The following WNT3 variants were observed in gnomAD, a reference collection of about 807,000 sequenced individuals.
The protein encoded by WNT3 is proto-oncogene Wnt-3.
In WNT3, 7 loss-of-function variants were observed where a neutral mutation model predicts 34.2. The ratio of observed to expected loss-of-function variants is 0.20; its 90% CI spans 0.12 to 0.38. The LOEUF (loss-of-function observed/expected upper bound fraction) is 0.38, where lower values mean the gene tolerates loss of function less well. Ranked by LOEUF, WNT3 falls within the 10% of genes least tolerant of loss-of-function variation. The pLI is 1.00. For missense variants in WNT3, 267 were observed against 499.8 expected (o/e 0.53, Z 4.44); for synonymous variants, 212 against 211.5 (o/e 1.00, Z -0.02).
intron 1 of WNT3, among the ~76,000 whole-genome samples, chr17:46,796,609 C>T (rs1274951310): frequency 1.3e-5 from 2 of 152,198 alleles, no homozygotes; most frequent in Non-Finnish European, 2.9e-5. Context: ...GTTCCTGCCC[C>T]GCAGGGGCTC....
At chr17:46,787,541 C>T (rs569354953) in intron 1 of WNT3, among the ~76,000 whole-genome samples, 3 of 152,376 alleles carry the variant, frequency 2.0e-5, no homozygotes, top group African/African-American at 7.2e-5. Context: ...GGCCTGCTGA[C>T]TCCCAGCCAG....
At chr17:46,807,697 G>A (rs2084215440) in intron 1 of WNT3, among the ~76,000 whole-genome samples, 2 of 152,162 alleles carry the variant, frequency 1.3e-5, no homozygotes, top group Admixed American at 6.5e-5. Flanking sequence ...ATTATGCCCA[G>A]GCCAGGTACA....
intron 1 of WNT3, among the ~76,000 whole-genome samples, chr17:46,788,652 A>G (rs1008954363): frequency 6.6e-6 from 1 of 152,136 alleles, no homozygotes; most frequent in Admixed American, 6.5e-5. Context: ...CACCGACTCC[A>G]TTGATGGTGA....
At chr17:46,783,518 A>G (rs898099478) in intron 1 of WNT3, among the ~76,000 whole-genome samples, 2 of 152,226 alleles carry the variant, frequency 1.3e-5, no homozygotes, top group Non-Finnish European at 2.9e-5. Context: ...GTAACAGACC[A>G]ACAAGCATTT....
At chr17:46,803,836 G>A (rs963982688) in intron 1 of WNT3, among the ~76,000 whole-genome samples, 2 of 152,222 alleles carry the variant, frequency 1.3e-5, no homozygotes, top group African/African-American at 4.8e-5. Context: ...CCGGAAGCAG[G>A]CTCACGGCTG....
Position 46,787,149 on chromosome 17 carries a change from A to G in WNT3, c.81-13240T>C, listed in dbSNP as rs139299866. On this transcript the variant is annotated intron_variant, in intron 1 of 4. Coordinates refer to ENST00000225512, the MANE Select transcript of WNT3 (RefSeq NM_030753.5). ...GAGATGAAGTCCTGCTATATTGCCCAGGCTGGGTTTCGAACTCCTGGGCCC... is the reference window on the plus strand; with the variant it reads ...GAGATGAAGTCCTGCTATATTGCCCGGGCTGGGTTTCGAACTCCTGGGCCC... Among the ~76,000 whole-genome samples the G allele has an allele frequency of 1.7e-3, 251 of 152,076 alleles. 3 individuals carry two copies. In the Middle Eastern group the frequency reaches 0.024, roughly 14 times the overall value.
At chr17:46,787,114 A>T (rs1339614741) in intron 1 of WNT3, among the ~76,000 whole-genome samples, 1 of 151,718 alleles carries the variant, frequency 6.6e-6, no homozygotes, top group Non-Finnish European at 1.5e-5. Flanking sequence ...AGTTTTTAAA[A>T]TTTTTTGTAG....
intron 1 of WNT3, among the ~76,000 whole-genome samples, chr17:46,780,390 C>T (rs199511): frequency 0.019 from 2,882 of 152,336 alleles, 43 homozygotes; most frequent in Middle Eastern, 0.051. Flanking sequence ...CTCTCCCCTA[C>T]ATACAGAACA....
At chr17:46,773,340 G>A (rs2059389476) in intron 2 of WNT3, among the ~76,000 whole-genome samples, 1 of 152,084 alleles carries the variant, frequency 6.6e-6, no homozygotes, top group Non-Finnish European at 1.5e-5. Context: ...ACCCCAAAGC[G>A]GTATTTGCAT....
chr17:46,766,494 G>T (rs1176236981), intron 4 of WNT3, among the ~76,000 whole-genome samples: 2 of 152,014 alleles, frequency 1.3e-5, no homozygotes, highest in Non-Finnish European at 2.9e-5. Context: ...AGACAGCTGA[G>T]TGGACGAGTG....
intron 1 of WNT3, among the ~76,000 whole-genome samples, chr17:46,780,036 C>A (rs2059447199): frequency 6.6e-6 from 1 of 152,328 alleles, no homozygotes; most frequent in East Asian, 1.9e-4. Context: ...GGATTACAGG[C>A]GTAAGCCACC....
intron 2 of WNT3, among the ~76,000 whole-genome samples, chr17:46,772,370 G>A (rs1246736584): frequency 6.6e-6 from 1 of 152,252 alleles, no homozygotes; most frequent in African/African-American, 2.4e-5. Context: ...CGCTCCCAGA[G>A]CCGCTTTCCC....
intron 2 of WNT3, among the ~76,000 whole-genome samples, chr17:46,771,546 C>T (rs1277788909): frequency 1.3e-5 from 2 of 148,900 alleles, no homozygotes; most frequent in East Asian, 4.0e-4. Context: ...CTGACAGCCC[C>T]GCTGTGCCTT....
intron 1 of WNT3, among the ~76,000 whole-genome samples, chr17:46,782,037 T>G (rs931598053): frequency 1.3e-5 from 2 of 152,116 alleles, no homozygotes; most frequent in African/African-American, 4.8e-5. Context: ...TGGCTTCACA[T>G]GGGTGGAGCT....
chr17:46,812,291 G>T (rs2084286634), intron 1 of WNT3, among the ~76,000 whole-genome samples: 2 of 152,220 alleles, frequency 1.3e-5, no homozygotes, highest in Admixed American at 6.5e-5. Flanking sequence ...GGAGGAGGCA[G>T]AAGTCTGGCC....
intron 1 of WNT3, 31 bp downstream of exon 1, chr17:46,818,487 G>C: frequency 1.3e-6 from 2 of 1,582,192 alleles, no homozygotes; most frequent in Non-Finnish European, 1.7e-6. Context: ...CGGAGAAACC[G>C]GGCCGCGGGC....
intron 1 of WNT3, among the ~76,000 whole-genome samples, chr17:46,794,752 CT>C (rs5820620): frequency 0.49 from 63,018 of 129,172 alleles, 15,081 homozygotes; most frequent in South Asian, 0.65. Flanking sequence ...CTTTCTTTTT[CT>C]TTTTTTTTTT....
chr17:46,784,686 A>G (rs1357293845), intron 1 of WNT3, among the ~76,000 whole-genome samples: 1 of 151,712 alleles, frequency 6.6e-6, no homozygotes, highest in Non-Finnish European at 1.5e-5. Context: ...CATATTCCGG[A>G]CGAGGTCCCC....
chr17:46,773,846 G>A lies in WNT3; in HGVS notation c.144C>T (p.Ile48=), dbSNP rs1190336114. 2 of 1,613,178 alleles carry A rather than the reference G, an allele frequency of 1.2e-6. No individual in the cohort carries two copies. The highest frequency in any genetic ancestry group is 1.7e-5 in the Admixed American group (1 of 60,034). ...GCAGTTGCTTGGGGACCAGGCCTGGGATGGAGCCGCAGAGCAGGGGCTGTG... is the reference window on the plus strand; with the variant it reads ...GCAGTTGCTTGGGGACCAGGCCTGGAATGGAGCCGCAGAGCAGGGGCTGTG... ...LGSQPLLCGS[I]PGLVPKQLRF... is the part of the protein sequence containing the mutation. The change falls in exon 2 of 5, where the codon ATC becomes ATT. Residue 48 remains isoleucine (I), a synonymous_variant. Coordinates refer to ENST00000225512, the MANE Select transcript of WNT3 (RefSeq NM_030753.5).
Sources: allele counts gnomAD v4.1 joint callset (sites outside exome capture counted in the v4.1 genomes callset), GRCh38; gene constraint gnomAD v4.1.1; transcripts MANE v1.5; gene names NCBI Gene and HGNC (gene_info 2026-07-23, HGNC 2026-07-21).